Variants in MMUT observed in about 807,000 individuals in gnomAD.
The protein encoded by MMUT is methylmalonyl-CoA mutase, mitochondrial.
MMUT carries 79 observed loss-of-function variants against 79.9 expected under a neutral mutation model. The ratio of observed to expected loss-of-function variants is 0.99; its 90% CI spans 0.82 to 1.19. The LOEUF (loss-of-function observed/expected upper bound fraction) is 1.19. Ranked by LOEUF, MMUT falls within the 50% of genes most tolerant of loss-of-function variation. The pLI is 0.00. For missense variants in MMUT, 860 were observed against 917.2 expected (o/e 0.94, Z 0.81); for synonymous variants, 273 against 295.7 (o/e 0.92, Z 0.79).
chr6:49,432,544 T>C (rs936784314), intron 12 of MMUT, among the ~76,000 whole-genome samples: 5 of 152,190 alleles, frequency 3.3e-5, no homozygotes, highest in African/African-American at 1.2e-4. Context: ...CCCGCCACCA[T>C]GCCCGGCTAA....
At chr6:49,448,225 A>G (rs1767460290) in intron 7 of MMUT, among the ~76,000 whole-genome samples, 1 of 152,058 alleles carries the variant, frequency 6.6e-6, no homozygotes, top group South Asian at 2.1e-4. Flanking sequence ...ACTTCCTTAC[A>G]TGATAAAGAA....
rs757000253 is a variant in MMUT at position 49,457,977 on chromosome 6, T to C, written c.467A>G (p.Asp156Gly). 6.2e-7 allele frequency: 1 copy of C among 1,608,926 alleles called. No individual in the cohort carries two copies. Residue 156 changes from aspartate (D) to glycine (G), a missense_variant, in exon 3 of 13, where the codon GAT (aspartate) becomes GGT (glycine). Physicochemically the swap from Asp to Gly is moderately conservative, Grantham distance 94 (BLOSUM62 -1). Coordinates refer to ENST00000274813, the MANE Select transcript of MMUT (RefSeq NM_000255.4). ...YDSDNPRVRGDVGMAGVAIDT... is the reference protein window; with the variant it reads ...YDSDNPRVRGGVGMAGVAIDT... ...AATAGCAACTCCAGCCATTCCAACATCACCACGAACTCGAGGGTTGTCTGA... is the reference window on the plus strand; with the variant it reads ...AATAGCAACTCCAGCCATTCCAACACCACCACGAACTCGAGGGTTGTCTGA...
Position 49,444,621 on chromosome 6 carries a change from A to G in MMUT, c.1676+18T>C, listed in dbSNP as rs1159966054. On this transcript the variant is annotated intron_variant, in intron 9 of 12. Coordinates refer to ENST00000274813, the MANE Select transcript of MMUT (RefSeq NM_000255.4). ...CAACTTTTAGTCTTTGGAAACCTCCAAACTTATATATCTTCACCTTGCCCG... is the reference window on the plus strand; with the variant it reads ...CAACTTTTAGTCTTTGGAAACCTCCGAACTTATATATCTTCACCTTGCCCG... 1 of 1,603,480 alleles carries G rather than the reference A, an allele frequency of 6.2e-7. No individual in the cohort carries two copies. Among genetic ancestry groups the G allele is most frequent in the South Asian group, 1.1e-5 (1 of 90,896 alleles).
chr6:49,461,858 C>A lies in MMUT; in HGVS notation c.-40+1245G>T, dbSNP rs573081946. Among the ~76,000 whole-genome samples, 3 of 152,174 alleles carry A rather than the reference C, an allele frequency of 2.0e-5. No homozygotes were observed. In the South Asian group the frequency reaches 6.2e-4, roughly 32 times the overall value. ...GGGGTCCTTGTCATCCATCTTTTTG[C>A]AAGCCATCCACTACATTTACTAGCT... On this transcript the variant is annotated intron_variant, in intron 1 of 12. Transcript: ENST00000274813.
At chr6:49,448,272 T>C (rs896379511) in intron 7 of MMUT, among the ~76,000 whole-genome samples, 1 of 152,070 alleles carries the variant, frequency 6.6e-6, no homozygotes, top group African/African-American at 2.4e-5. Context: ...ATTACTCTTA[T>C]ATAAAACTTC....
chr6:49,443,164 C>T (rs781602449), intron 9 of MMUT, among the ~76,000 whole-genome samples: 30 of 152,146 alleles, frequency 2.0e-4, no homozygotes, highest in Non-Finnish European at 4.0e-4. Flanking sequence ...AGCACTGACA[C>T]CTCTTTATTC....
chr6:49,442,074 ATGAC>A (rs1446232609), intron 9 of MMUT, 103 bp from the exon 10 acceptor site: 4 of 1,259,780 alleles, frequency 3.2e-6, no homozygotes, highest in Non-Finnish European at 4.5e-6. Flanking sequence ...ACATAAGTAA[ATGAC>A]TGTAAAAATG....
At position 49,456,220 on chromosome 6, in the gene MMUT, A is replaced by C; in HGVS notation, c.771T>G (p.Asn257Lys). The C allele has an allele frequency of 6.2e-7, 1 of 1,611,208 alleles. No individual in the cohort carries two copies. Among genetic ancestry groups the C allele is most frequent in the African/African-American group, 1.3e-5 (1 of 74,958 alleles). The change falls in exon 4 of 13, where the codon AAT (asparagine) becomes AAG (lysine). Residue 257 changes from asparagine to lysine, a missense_variant. Asn to Lys is a moderately conservative substitution (Grantham distance 94). Transcript: ENST00000274813. ...TATGGTATCCACTAATTGAAATTGA[A>C]TTAAATTTTGGCATGTGCTACATAA... ...EYTAKHMPKF[N>K]SISISGYHMQ... is the part of the protein sequence containing the mutation.
intron 10 of MMUT, among the ~76,000 whole-genome samples, chr6:49,440,564 G>A (rs1240625689): frequency 6.6e-6 from 1 of 151,974 alleles, no homozygotes; most frequent in Non-Finnish European, 1.5e-5. Context: ...ACGTGCCATG[G>A]TAAACAGCTG....
At position 49,453,155 on chromosome 6, in the gene MMUT, C is replaced by T. The variant is rs544490410; in HGVS notation, c.1083+430G>A. Among the ~76,000 whole-genome samples, 439 of 150,348 alleles carry T rather than the reference C, an allele frequency of 2.9e-3. 3 individuals are homozygous for T. Among genetic ancestry groups the T allele is most frequent in the African/African-American group, 0.01 (412 of 41,102 alleles). ...TTCCCAGGTTCAAGTGATTCTCCTA[C>T]GTCAGCTTCCCAAGTAGCTGGGATT... On this transcript the variant is annotated intron_variant, in intron 5 of 12. Transcript: ENST00000274813.
Position 49,459,108 on chromosome 6 carries a change from T to C in MMUT, c.359A>G (p.Asn120Ser), listed in dbSNP as rs776108716. ...CTTAATGTTGTCCTTATAGAACTTA[T>C]TGCTTTCTTCCACAGTACTAAAACC... ...YAGFSTVEES[N>S]KFYKDNIKAG... The change falls in exon 2 of 13, where the codon AAT becomes AGT. Residue 120 changes from asparagine to serine, a missense_variant. Asn to Ser is a conservative substitution (Grantham distance 46). Transcript: ENST00000274813. 1.4e-5 allele frequency: 22 copies of C among 1,614,020 alleles called. No homozygotes were observed. The highest frequency in any genetic ancestry group is 1.0e-4 in the Admixed American group (6 of 60,000).
At chr6:49,462,088 A>G (rs544886487) in intron 1 of MMUT, among the ~76,000 whole-genome samples, 56 of 152,338 alleles carry the variant, frequency 3.7e-4, no homozygotes, top group Middle Eastern at 6.8e-3. Context: ...GAATTGGTGG[A>G]GGCTGGAAAC....
chr6:49,444,978 T>A (rs1045397032), intron 8 of MMUT, among the ~76,000 whole-genome samples: 2 of 152,136 alleles, frequency 1.3e-5, no homozygotes, highest in Non-Finnish European at 2.9e-5. Flanking sequence ...TTTGGTATAA[T>A]CCTAACAAAT....
chr6:49,435,032 C>T (rs1439444168), intron 12 of MMUT, among the ~76,000 whole-genome samples: 1 of 152,194 alleles, frequency 6.6e-6, no homozygotes, highest in Non-Finnish European at 1.5e-5. Context: ...CTAAAGGACT[C>T]ATTCCACCCC....
chr6:49,446,666 T>C (rs1016569171), intron 8 of MMUT, among the ~76,000 whole-genome samples: 2 of 151,866 alleles, frequency 1.3e-5, no homozygotes, highest in Non-Finnish European at 3.0e-5. Context: ...ACAGTATGGG[T>C]ACACAGTAAG....
rs1179778233 is a variant in MMUT, at chr6:49,456,129, A to G, written c.862T>C (p.Ser288Pro). The change falls in exon 4 of 13, where the codon TCT (serine) becomes CCT (proline). Residue 288 changes from serine (S) to proline (P), a missense_variant. By Grantham distance (74) the Ser-to-Pro change is moderately conservative. Coordinates refer to ENST00000274813, the MANE Select transcript of MMUT (RefSeq NM_000255.4). ...AGGCCAGCCTGGAGTCCAGTTCTAG[A>G]GTACTCCAATCCATCTGCTAAAGTA... ...AYTLADGLEYSRTGLQAGLTI... is the reference protein window; with the variant it reads ...AYTLADGLEYPRTGLQAGLTI... 1.9e-6 allele frequency: 3 copies of G among 1,613,252 alleles called. No individual in the cohort carries two copies. Among genetic ancestry groups the G allele is most frequent in the South Asian group, 1.1e-5 (1 of 91,078 alleles).
At chr6:49,433,530 C>T (rs1029139244) in intron 12 of MMUT, among the ~76,000 whole-genome samples, 1 of 152,040 alleles carries the variant, frequency 6.6e-6, no homozygotes, top group Admixed American at 6.5e-5. Flanking sequence ...TTAGCTGGGC[C>T]AGGGATAGCA....
rs758008398 is a variant in MMUT, at chr6:49,457,765, C to CCATAAATT, written c.671_678dup (p.Val227AsnfsTer16). On this transcript the variant is annotated frameshift_variant, in exon 3 of 13. Transcript: ENST00000274813. LOFTEE classifies it high-confidence loss of function. ...GGAGGAAAAATGTATGTATTTCGAA[C>CCATAAATT]CATAAATTCCTTTAGTATATCATTT... 5.0e-6 allele frequency: 8 copies of CCATAAATT among 1,612,260 alleles called. No individual in the cohort carries two copies. The Admixed American group carries it at 1.0e-4, about 20-fold the overall frequency.
Position 49,451,634 on chromosome 6 carries a change from A to G in MMUT, c.1164T>C (p.Asn388=), listed in dbSNP as rs879253840. 1 of 1,614,158 alleles carries G rather than the reference A, an allele frequency of 6.2e-7. No individual in the cohort carries two copies. The highest frequency in any genetic ancestry group is 8.5e-7 in the Non-Finnish European group (1 of 1,180,006). Residue 388 remains asparagine, a synonymous_variant, in exon 6 of 13, where the codon AAT becomes AAC. Transcript: ENST00000274813. The stretch of plus-strand genomic sequence containing the variant: ...GCAAACCCAAAGCTTCATCAAAAGA[A>G]TTTGTGTGCAAAGACTGAGTCCCTC... The part of the protein sequence containing the change: ...VFGGTQSLHT[N]SFDEALGLPT...
Sources: gnomAD v4.1 joint callset for allele counts (sites outside exome capture counted in the v4.1 genomes callset) on GRCh38, gnomAD v4.1.1 for gene constraint, MANE v1.5 for transcripts, NCBI Gene and HGNC (gene_info 2026-07-23, HGNC 2026-07-21) for gene names.